Variants in BICRA observed in about 807,000 individuals in gnomAD.
The protein encoded by BICRA is BRD4-interacting chromatin-remodeling complex-associated protein.
Under a neutral mutation model 96.9 loss-of-function variants are expected in BICRA, and 31 were observed. The ratio of observed to expected loss-of-function variants is 0.32; its 90% confidence interval spans 0.24 to 0.43. The LOEUF (loss-of-function observed/expected upper bound fraction) is 0.43, where lower values mean the gene tolerates loss of function less well. Ranked by LOEUF, BICRA falls within the 20% of genes least tolerant of loss-of-function variation. The pLI, the probability that BICRA is intolerant of heterozygous loss-of-function variation, is 1.00. For missense variants in BICRA, 2,283 were observed against 2,190.3 expected (o/e 1.04, Z -0.84); for synonymous variants, 1,350 against 1,071.8 (o/e 1.26, Z -5.07).
In BICRA at chr19:47,702,289, C is replaced by G. The variant is rs746390364; in HGVS notation, c.4557C>G (p.Pro1519=). 1 of 1,592,990 alleles carries G rather than the reference C, an allele frequency of 6.3e-7. No individual in the cohort carries two copies. The highest frequency in any genetic ancestry group is 2.3e-5 in the East Asian group (1 of 44,122). ...TGCAGCAGGCCCCCGGCCGGACGCC[C>G]GCGCCCTCGTACCCCCACGCTGCCT... ...LNLQQAPGRT[P]APSYPHAASA... Residue 1519 remains proline, a synonymous_variant, in exon 15 of 15, where the codon CCC becomes CCG. Transcript: ENST00000594866.
chr19:47,702,566 C>A lies in BICRA; in HGVS notation c.*151C>A, dbSNP rs1006933975. 15 of 898,146 alleles carry A rather than the reference C, an allele frequency of 1.7e-5. No individual in the cohort carries two copies. Among genetic ancestry groups the A allele is most frequent in the Non-Finnish European group, 2.3e-5 (15 of 640,376 alleles). 55.6% of individuals were successfully genotyped at this position (898,146 alleles called of 1,614,324 possible). A position where few individuals can be genotyped will look rare whatever the true frequency, so the allele number is the denominator to read the frequency against. On this transcript the variant is annotated 3_prime_UTR_variant, in exon 15 of 15. Transcript: ENST00000594866. ...TGAGTCACAAAGGCCTCCTTCCCTG[C>A]CGCCTGCTTCAGCTGGGTTGCTGGG...
chr19:47,694,159 C>T lies in BICRA; in HGVS notation c.2328C>T (p.Ser776=). The T allele has an allele frequency of 6.6e-7, 1 of 1,520,248 alleles. No homozygotes were observed. The highest frequency in any genetic ancestry group is 8.9e-7 in the Non-Finnish European group (1 of 1,129,642). 94.2% of individuals were successfully genotyped at this position (1,520,248 alleles called of 1,614,324 possible). The change falls in exon 8 of 15, where the codon TCC becomes TCT. Residue 776 remains serine (S), a synonymous_variant. Coordinates refer to ENST00000594866, the MANE Select transcript of BICRA (RefSeq NM_001394372.1). ...TGAAGGGCCCAGGCCCCTCTTCGTC[C>T]CCGTCACTACCTCACCAGGCCCCTC... ...APLKGPGPSS[S]PSLPHQAPLG...
intron 11 of BICRA, among the ~76,000 whole-genome samples, chr19:47,696,755 G>T (rs1256369032): frequency 6.6e-6 from 1 of 152,216 alleles, no homozygotes; most frequent in Non-Finnish European, 1.5e-5. Flanking sequence ...GAGGGCGGCA[G>T]TTTGGTCCAT....
Position 47,670,724 on chromosome 19 carries a change from C to T in BICRA, c.-6+180C>T, listed in dbSNP as rs1972850047. On this transcript the variant is annotated intron_variant, in intron 2 of 14. Transcript: ENST00000594866. ...GCCTCCTGGGTCATCTGGGCCATCA[C>T]CCTGCCTCTGCATTAGCTGCAAGCA... 2.6e-5 allele frequency among the ~76,000 whole-genome samples: 4 copies of T among 152,214 alleles called. 1 individual carries two copies. In the South Asian group the frequency reaches 8.3e-4, roughly 32 times the overall value.
intron 1 of BICRA, among the ~76,000 whole-genome samples, chr19:47,660,992 GA>G (rs1405108619): frequency 6.6e-6 from 1 of 152,006 alleles, no homozygotes; most frequent in Non-Finnish European, 1.5e-5. Flanking sequence ...GGCAGATCAC[GA>G]GGTCAAGAGA....
At chr19:47,694,052 G>T in intron 7 of BICRA, 63 bp from the exon 8 acceptor site, 1 of 1,447,082 alleles carries the variant, frequency 6.9e-7, no homozygotes, top group Non-Finnish European at 9.1e-7. Flanking sequence ...GTGTCTTGGG[G>T]CAACAGGAGC....
At position 47,698,629 on chromosome 19, in the gene BICRA, C is replaced by G. The variant is rs780005588; in HGVS notation, c.3249-5C>G. The G allele has an allele frequency of 2.1e-6, 3 of 1,460,518 alleles. No homozygotes were observed. In the South Asian group the frequency reaches 3.4e-5, roughly 17 times the overall value. The allele number at this position is 1,460,518 out of a possible 1,614,324, so 90.5% of individuals were successfully genotyped here. ...GTGTGTGGTCTCTCCCCTTTCCACC[C>G]GCAGTTTCCTGGAGCATTTGCACAA... On this transcript the variant is annotated splice_region_variant and splice_polypyrimidine_tract_variant and intron_variant, in intron 11 of 14. Coordinates refer to ENST00000594866, the MANE Select transcript of BICRA (RefSeq NM_001394372.1). This position sits in a 1 kb window ranked among gnomAD's most constrained non-coding sequence, Gnocchi z 4.8.
chr19:47,679,761 C>T lies in BICRA; in HGVS notation c.591C>T (p.Phe197=). 3 of 1,521,404 alleles carry T rather than the reference C, an allele frequency of 2.0e-6. No homozygotes were observed. Among genetic ancestry groups the T allele is most frequent in the Non-Finnish European group, 2.6e-6 (3 of 1,135,200 alleles). The allele number at this position is 1,521,404 out of a possible 1,614,324, so 94.2% of individuals were successfully genotyped here. The part of the protein sequence containing the change: ...VVNKALSVQP[F]LQPVGLGNVT... ...ACAAGGCCCTGAGTGTGCAGCCCTT[C>T]CTGCAGCCTGTGGGCCTGGGCAATG... The change falls in exon 6 of 15, where the codon TTC becomes TTT. Residue 197 remains phenylalanine, a synonymous_variant. Coordinates refer to ENST00000594866, the MANE Select transcript of BICRA (RefSeq NM_001394372.1).
At position 47,636,611 on chromosome 19, in the gene BICRA, G is replaced by A. The variant is rs12608596; in HGVS notation, c.-108+27443G>A. 7.4e-4 allele frequency among the ~76,000 whole-genome samples: 113 copies of A among 152,100 alleles called. 1 individual carries two copies. In the East Asian group the frequency reaches 0.021, roughly 28 times the overall value. Reference sequence around the variant, plus strand: ...CAACCTCTGCCTCTCAGGTTCCAGCGATTCTCCTGCCTCCACCACCTGAGT... The same window carrying A: ...CAACCTCTGCCTCTCAGGTTCCAGCAATTCTCCTGCCTCCACCACCTGAGT... On this transcript the variant is annotated intron_variant, in intron 1 of 14. Coordinates refer to ENST00000594866, the MANE Select transcript of BICRA (RefSeq NM_001394372.1).
At chr19:47,663,699 TA>T (rs1568562398) in intron 1 of BICRA, 1 of 152,242 alleles carries the variant, frequency 6.6e-6, no homozygotes, top group Non-Finnish European at 1.5e-5. Flanking sequence ...GAGTGTCTGA[TA>T]AAGGAGATAG....
chr19:47,668,368 C>G (rs555750507), intron 1 of BICRA, among the ~76,000 whole-genome samples: 76 of 152,152 alleles, frequency 5.0e-4, no homozygotes, highest in Non-Finnish European at 9.0e-4. Context: ...AAAAATTGAG[C>G]TGCCTGACAT....
At chr19:47,632,526 GCATC>G (rs962409969) in intron 1 of BICRA, among the ~76,000 whole-genome samples, 10 of 152,356 alleles carry the variant, frequency 6.6e-5, no homozygotes, top group African/African-American at 2.2e-4. Flanking sequence ...AGAGCTGGCT[GCATC>G]CGATGGTCCC....
intron 4 of BICRA, among the ~76,000 whole-genome samples, chr19:47,674,693 T>G (rs1466235861): frequency 6.6e-6 from 1 of 152,160 alleles, no homozygotes; most frequent in Non-Finnish European, 1.5e-5. Context: ...CAGGACTCAT[T>G]CCTGTGGCTG....
At chr19:47,696,644 G>C (rs1389886999) in intron 11 of BICRA, 132 bp downstream of exon 11, 1 of 759,844 alleles carries the variant, frequency 1.3e-6, no homozygotes, top group African/African-American at 1.8e-5. Flanking sequence ...TGGTAGCGAT[G>C]TAGTTCCCTC....
At chr19:47,623,717 C>T (rs1248291190) in intron 1 of BICRA, among the ~76,000 whole-genome samples, 2 of 152,060 alleles carry the variant, frequency 1.3e-5, no homozygotes, top group African/African-American at 4.8e-5. Context: ...GGTAGGCTTC[C>T]TGGAGGAGGG....
chr19:47,702,341 C>A lies in BICRA; in HGVS notation c.4609C>A (p.Pro1537Thr), dbSNP rs780931394. The A allele has an allele frequency of 1.9e-6, 3 of 1,547,054 alleles. No homozygotes were observed. Among genetic ancestry groups the A allele is most frequent in the South Asian group, 2.4e-5 (2 of 84,242 alleles). ...ASAGTPASPP[P>T]LHRPEAYPPS... The stretch of plus-strand genomic sequence containing the variant: ...GGCCGGCACCCCCGCATCCCCGCCG[C>A]CCCTGCACAGGCCCGAGGCCTACCC... The change falls in exon 15 of 15, where the codon CCC (proline) becomes ACC (threonine). Residue 1537 changes from proline (P) to threonine (T), a missense_variant. Physicochemically the swap from Pro to Thr is conservative, Grantham distance 38. Transcript: ENST00000594866.
chr19:47,693,284 G>A (rs1973267816), intron 7 of BICRA, among the ~76,000 whole-genome samples: 1 of 152,268 alleles, frequency 6.6e-6, no homozygotes, highest in Admixed American at 6.5e-5. Flanking sequence ...CGAGGTGGCT[G>A]TGTGCGTGTG....
chr19:47,682,254 C>T (rs1973076628), intron 7 of BICRA, 102 bp downstream of exon 7: 1 of 597,202 alleles, frequency 1.7e-6, no homozygotes, highest in Middle Eastern at 4.5e-4. Flanking sequence ...CGTCTCTGTT[C>T]TGCTGACTTG....
intron 7 of BICRA, among the ~76,000 whole-genome samples, chr19:47,690,932 G>A (rs1389805186): frequency 1.3e-5 from 2 of 152,066 alleles, no homozygotes; most frequent in African/African-American, 4.8e-5. Flanking sequence ...AGAGCTCATA[G>A]GAGTTCTTTA....
Sources: gnomAD v4.1 joint callset for allele counts (sites outside exome capture counted in the v4.1 genomes callset) on GRCh38, gnomAD v4.1.1 for gene constraint, Gnocchi (gnomAD v3.1) non-coding constraint, MANE v1.5 for transcripts, NCBI Gene and HGNC (gene_info 2026-07-23, HGNC 2026-07-21) for gene names.